Variants in VPS13C observed in about 807,000 individuals in gnomAD.
VPS13C encodes the protein vacuolar protein sorting 13 homolog C.
Under a neutral mutation model 456.8 loss-of-function variants are expected in VPS13C, and 358 were observed. The ratio of observed to expected loss-of-function variants is 0.78; its 90% CI spans 0.72 to 0.86. The LOEUF is 0.86. VPS13C is among the 40% of genes least tolerant of loss of function. VPS13C has a pLI of 0.00. For missense variants in VPS13C, 4,818 were observed against 4,385.4 expected (o/e 1.10, Z -2.79); for synonymous variants, 1,578 against 1,486.7 (o/e 1.06, Z -1.41).
chr15:62,037,216 TTATATAATATATTATATATAAATA>T (rs1374488231), intron 3 of VPS13C, among the ~76,000 whole-genome samples: 33 of 97,698 alleles, frequency 3.4e-4, no homozygotes, highest in Admixed American at 5.1e-4. Flanking sequence ...TATAAATATA[TTATATAATATATTATATATAAATA>T]TATATAATAT....
intron 62 of VPS13C, among the ~76,000 whole-genome samples, chr15:61,912,564 T>C (rs1415312794): frequency 6.6e-6 from 1 of 151,882 alleles, no homozygotes; most frequent in Admixed American, 6.6e-5. Context: ...TCAGTGACCA[T>C]AAAAATTTGT....
chr15:61,870,938 T>C (rs533205567), intron 79 of VPS13C, among the ~76,000 whole-genome samples: 1 of 152,306 alleles, frequency 6.6e-6, no homozygotes, highest in South Asian at 2.1e-4. Flanking sequence ...TCATATCTTT[T>C]GCTCATTTAA....
intron 24 of VPS13C, among the ~76,000 whole-genome samples, 186 bp from the exon 25 acceptor site, chr15:61,974,603 A>G (rs1416814786): frequency 6.6e-6 from 1 of 152,162 alleles, no homozygotes; most frequent in African/African-American, 2.4e-5. Flanking sequence ...AAGTTTTCAG[A>G]TAATTTCAAC....
intron 61 of VPS13C, 61 bp downstream of exon 61, chr15:61,915,572 C>T (rs1361955500): frequency 6.8e-7 from 1 of 1,479,080 alleles, no homozygotes; most frequent in Non-Finnish European, 9.0e-7. Flanking sequence ...AGACAAATGA[C>T]TCCCAAGTTT....
At chr15:62,000,135 G>A (rs2046555790) in intron 16 of VPS13C, among the ~76,000 whole-genome samples, 1 of 152,126 alleles carries the variant, frequency 6.6e-6, no homozygotes, top group South Asian at 2.1e-4. Context: ...GCCGAGGTGA[G>A]TGGATCACCT....
At chr15:62,011,648 G>A (rs538355173) in intron 12 of VPS13C, among the ~76,000 whole-genome samples, 45 of 152,068 alleles carry the variant, frequency 3.0e-4, no homozygotes, top group African/African-American at 9.4e-4. Context: ...TAGAGATCCA[G>A]TTGTAAAATA....
intron 15 of VPS13C, among the ~76,000 whole-genome samples, chr15:62,003,934 G>A (rs982523084): frequency 4.6e-5 from 7 of 151,948 alleles, no homozygotes; most frequent in Non-Finnish European, 1.0e-4. Context: ...GTATTTTATT[G>A]AGGATTTTTG....
At position 61,941,770 on chromosome 15, in the gene VPS13C, G is replaced by C. The variant is rs115815864; in HGVS notation, c.5446C>G (p.Leu1816Val). The change falls in exon 46 of 85, where the codon CTG (leucine) becomes GTG (valine). Residue 1816 changes from leucine to valine, a missense_variant. This residue lies in a region of VPS13C where 4,552 missense variants were observed against 4,130.6 expected (regional missense o/e 1.10). Coordinates refer to ENST00000644861, the MANE Select transcript of VPS13C (RefSeq NM_020821.3). The stretch of plus-strand genomic sequence containing the variant: ...TAGATTACATATTTATACCTTGACA[G>C]CTTCAACTGAGTGAGTTCGATGTTC... ...KMNIELTQLK[L>V]SRTILQASLP... is the part of the protein sequence containing the mutation. 2.0e-5 allele frequency: 32 copies of C among 1,609,654 alleles called. No homozygotes were observed. Among genetic ancestry groups the C allele is most frequent in the Non-Finnish European group, 2.7e-5 (32 of 1,177,588 alleles).
rs1330561866 is a variant in VPS13C at position 61,908,976 on chromosome 15, C to G, written c.8978+16G>C. The G allele has an allele frequency of 6.2e-7, 1 of 1,611,298 alleles. No homozygotes were observed. The highest frequency in any genetic ancestry group is 8.5e-7 in the Non-Finnish European group (1 of 1,178,816). On this transcript the variant is annotated intron_variant, in intron 65 of 84. Coordinates refer to ENST00000644861, the MANE Select transcript of VPS13C (RefSeq NM_020821.3). The stretch of plus-strand genomic sequence containing the variant: ...AACCAATAAAAGTATTTCCCATTAA[C>G]CCTTTTTTCTCATACCTCTGTTTGT...
chr15:61,908,752 A>T (rs78469900), intron 65 of VPS13C, among the ~76,000 whole-genome samples: 1 of 152,212 alleles, frequency 6.6e-6, no homozygotes, highest in African/African-American at 2.4e-5. Context: ...AATTGATACG[A>T]AACTATTAAT....
intron 53 of VPS13C, among the ~76,000 whole-genome samples, chr15:61,924,978 A>G (rs1211045005): frequency 6.6e-6 from 1 of 152,240 alleles, no homozygotes; most frequent in African/African-American, 2.4e-5. Context: ...TGTAGTGAAT[A>G]AAACAGTAAA....
chr15:61,889,918 G>T (rs1015917201), intron 67 of VPS13C, among the ~76,000 whole-genome samples: 2 of 151,854 alleles, frequency 1.3e-5, no homozygotes, highest in Non-Finnish European at 2.9e-5. Context: ...AACAAGGAAA[G>T]AAACAAACCA....
intron 59 of VPS13C, 78 bp downstream of exon 59, chr15:61,918,058 A>C: frequency 5.6e-6 from 8 of 1,440,918 alleles, no homozygotes; most frequent in Non-Finnish European, 7.4e-6. Context: ...TTAGTTAATA[A>C]AAATATGAAG....
chr15:61,960,786 G>A (rs550167137), intron 35 of VPS13C, among the ~76,000 whole-genome samples: 1 of 152,130 alleles, frequency 6.6e-6, no homozygotes, highest in Non-Finnish European at 1.5e-5. Flanking sequence ...TTAAAAAACT[G>A]TTCTGGTGGC....
In VPS13C at chr15:61,941,988, C is replaced by T; in HGVS notation, c.5228G>A (p.Ser1743Asn). 6.2e-7 allele frequency: 1 copy of T among 1,613,930 alleles called. No individual in the cohort carries two copies. Among genetic ancestry groups the T allele is most frequent in the Non-Finnish European group, 8.5e-7 (1 of 1,179,884 alleles). The change falls in exon 46 of 85, where the codon AGC becomes AAC. Residue 1743 changes from serine to asparagine, a missense_variant. Ser to Asn is a conservative substitution (Grantham distance 46). Coordinates refer to ENST00000644861, the MANE Select transcript of VPS13C (RefSeq NM_020821.3). ...TVQAAERAAS[S>N]MKDLAQKSFR... ...ACTCTTTTGAGCCAAGTCTTTCATG[C>T]TGGAAGCAGCTCTTTCTGCAGCCTG... is the stretch of plus-strand genomic sequence containing the variant.
rs772335755 is a variant in VPS13C, at chr15:61,974,286, A to T, written c.2538+2T>A. Reference sequence around the variant, plus strand: ...GTTATACATTTTATTGTATCTATTTACCTGTCTCTCTGGAGACTGGGCTGA... The same window carrying T: ...GTTATACATTTTATTGTATCTATTTTCCTGTCTCTCTGGAGACTGGGCTGA... On this transcript the variant is annotated splice_donor_variant, in intron 25 of 84. Coordinates refer to ENST00000644861, the MANE Select transcript of VPS13C (RefSeq NM_020821.3). LOFTEE classifies it high-confidence loss of function. 6.2e-7 allele frequency: 1 copy of T among 1,610,230 alleles called. No homozygotes were observed.
At chr15:62,021,941 T>C (rs2047477371) in intron 8 of VPS13C, among the ~76,000 whole-genome samples, 1 of 151,934 alleles carries the variant, frequency 6.6e-6, no homozygotes, top group Non-Finnish European at 1.5e-5. Context: ...ATATTTTCTC[T>C]ACACCCATTT....
chr15:62,044,329 A>G, intron 1 of VPS13C, 74 bp from the exon 2 acceptor site: 1 of 920,848 alleles, frequency 1.1e-6, no homozygotes, highest in Non-Finnish European at 1.6e-6. Context: ...TGTAGTACCA[A>G]GCACTAAGAA....
chr15:62,056,524 G>A (rs913061590), intron 1 of VPS13C, among the ~76,000 whole-genome samples: 52 of 152,278 alleles, frequency 3.4e-4, no homozygotes, highest in African/African-American at 1.1e-3. Context: ...TAGCGGTAGC[G>A]AAAAGTGTCA....
Sources: gnomAD v4.1 joint callset for allele counts (sites outside exome capture counted in the v4.1 genomes callset) on GRCh38, gnomAD v4.1.1 for gene constraint, gnomAD v4.1.1 regional missense constraint, MANE v1.5 for transcripts, NCBI Gene and HGNC (gene_info 2026-07-23, HGNC 2026-07-21) for gene names.